Variants in GGA2 observed in about 807,000 individuals in gnomAD.
The protein encoded by GGA2 is ADP-ribosylation factor-binding protein GGA2.
In GGA2, 48 loss-of-function variants were observed where a neutral mutation model predicts 79.5. The observed-to-expected ratio is 0.60, with a 90% CI of 0.48 to 0.77. The LOEUF is 0.77. Ranked by LOEUF, GGA2 falls within the 30% of genes least tolerant of loss-of-function variation. The pLI, the probability that GGA2 is intolerant of heterozygous loss-of-function variation, is 0.00. For synonymous variants in GGA2, 317 were observed against 302.0 expected, an observed-to-expected ratio of 1.05 and a Z score of -0.51; for missense variants, 770 against 774.0, an observed-to-expected ratio of 0.99 and a Z score of 0.06.
intron 4 of GGA2, 50 bp downstream of exon 4, chr16:23,493,310 C>G (rs1257108141): frequency 1.8e-6 from 2 of 1,082,898 alleles, no homozygotes; most frequent in African/African-American, 1.5e-5. Flanking sequence ...AGGAGTTTGA[C>G]AGTGGGCGTA....
At chr16:23,479,054 T>C (rs1361207263) in intron 11 of GGA2, 143 bp from the exon 12 acceptor site, 4 of 674,468 alleles carry the variant, frequency 5.9e-6, no homozygotes, top group African/African-American at 1.7e-5. Context: ...GACTCGTCCA[T>C]GGCCAATCTG....
At chr16:23,490,141 C>T (rs1322359297) in intron 5 of GGA2, among the ~76,000 whole-genome samples, 1 of 152,138 alleles carries the variant, frequency 6.6e-6, no homozygotes, top group Non-Finnish European at 1.5e-5. Context: ...AAAGTGAAGA[C>T]CTACAGCTGA....
intron 5 of GGA2, among the ~76,000 whole-genome samples, chr16:23,489,653 A>G (rs1325545368): frequency 6.6e-6 from 1 of 152,230 alleles, no homozygotes; most frequent in South Asian, 2.1e-4. Context: ...TACCAATAGT[A>G]ACAACTAAGC....
At chr16:23,499,213 C>T (rs529177541) in intron 1 of GGA2, among the ~76,000 whole-genome samples, 24 of 149,798 alleles carry the variant, frequency 1.6e-4, no homozygotes, top group Non-Finnish European at 2.1e-4. Context: ...GGCACAATCT[C>T]GGCTCGCTGC....
At chr16:23,468,475 C>T (rs759238529) in intron 16 of GGA2, among the ~76,000 whole-genome samples, 3 of 143,328 alleles carry the variant, frequency 2.1e-5, no homozygotes, top group Non-Finnish European at 3.0e-5. Flanking sequence ...TGCACCTGGC[C>T]GACTTTATTT....
At position 23,479,852 on chromosome 16, in the gene GGA2, G is replaced by T. The variant is rs1224444298; in HGVS notation, c.1042C>A (p.Pro348Thr). The change falls in exon 11 of 17, where the codon CCC becomes ACC. Residue 348 changes from proline (P) to threonine (T), a missense_variant. Physicochemically the swap from Pro to Thr is conservative, Grantham distance 38 (BLOSUM62 -1). Coordinates refer to ENST00000309859, the MANE Select transcript of GGA2 (RefSeq NM_015044.4). Reference protein sequence around the residue: ...QNPAGCMKTCPLIDLEVDNGP... With the variant: ...QNPAGCMKTCTLIDLEVDNGP... ...TTGTCCACCTCCAAGTCAATCAGGG[G>T]GCAGGTCTTCATGCAGCCTGCTGGA... The T allele has an allele frequency of 6.2e-7, 1 of 1,613,912 alleles. No individual in the cohort carries two copies. The highest frequency in any genetic ancestry group is 8.5e-7 in the Non-Finnish European group (1 of 1,179,790).
chr16:23,464,948 A>T lies in GGA2; in HGVS notation c.*2642T>A. The T allele has an allele frequency of 4.7e-6, 1 of 215,000 alleles. No homozygotes were observed. The highest frequency in any genetic ancestry group is 9.4e-6 in the Non-Finnish European group (1 of 106,082). The allele number at this position is 215,000 out of a possible 1,614,324, so 13.3% of individuals were successfully genotyped here. On this transcript the variant is annotated 3_prime_UTR_variant, in exon 17 of 17. Transcript: ENST00000309859. ...CCTGAGGATTGGACTCTGGAAAACCATCACACTTAAGAGACAGAGGAAAAA... is the reference window on the plus strand; with the variant it reads ...CCTGAGGATTGGACTCTGGAAAACCTTCACACTTAAGAGACAGAGGAAAAA...
chr16:23,491,436 A>G (rs1451316473), intron 5 of GGA2, among the ~76,000 whole-genome samples: 3 of 151,006 alleles, frequency 2.0e-5, no homozygotes, highest in Non-Finnish European at 4.4e-5. Context: ...GTTTCCTATG[A>G]TTTCCAGGCA....
At chr16:23,513,098 G>A (rs59613114), upstream of GGA2, among the ~76,000 whole-genome samples, 12,474 of 152,154 alleles carry the variant, frequency 0.082, 906 homozygotes, top group African/African-American at 0.19. Flanking sequence ...AAACCTGGAC[G>A]TGACTAGAGT....
intron 13 of GGA2, among the ~76,000 whole-genome samples, chr16:23,477,981 T>A (rs2142118887): frequency 6.6e-6 from 1 of 151,276 alleles, no homozygotes; most frequent in East Asian, 2.0e-4. Flanking sequence ...TCACCTGAGG[T>A]CAGGAGTTTG....
intron 13 of GGA2, 146 bp from the exon 14 acceptor site, chr16:23,475,207 T>G (rs886658897): frequency 2.7e-5 from 13 of 478,770 alleles, no homozygotes; most frequent in African/African-American, 1.5e-4. Flanking sequence ...TTTTTTTTTT[T>G]GATACAGTAT....
intron 1 of GGA2, among the ~76,000 whole-genome samples, chr16:23,509,730 GA>G (rs1370925085): frequency 1.9e-4 from 25 of 133,920 alleles, no homozygotes; most frequent in Non-Finnish European, 2.7e-4. Flanking sequence ...TCTCTTAAAG[GA>G]AAAAAAAAAC....
At chr16:23,521,020 G>A (rs951044750) in intron 1 of GGA2, among the ~76,000 whole-genome samples, 5 of 151,968 alleles carry the variant, frequency 3.3e-5, no homozygotes, top group South Asian at 2.1e-4. Context: ...TTGAACTCCC[G>A]GCCTCAAGTG....
rs1265761853 is a variant in GGA2 at position 23,464,275 on chromosome 16, G to C, written c.*3315C>G. On this transcript the variant is annotated 3_prime_UTR_variant, in exon 17 of 17. Coordinates refer to ENST00000309859, the MANE Select transcript of GGA2 (RefSeq NM_015044.4). ...GTCTTAAGTTCATGGAAGATAATAG[G>C]AAGAGTAATTAACTGCAGCAAAAGG... 2.6e-5 allele frequency: 4 copies of C among 152,194 alleles called. No individual in the cohort carries two copies. The highest frequency in any genetic ancestry group is 9.7e-5 in the African/African-American group (4 of 41,442). The allele number at this position is 152,194 out of a possible 1,614,324, so 9.4% of individuals were successfully genotyped here. A position where few individuals can be genotyped will look rare whatever the true frequency, so the allele number is the denominator to read the frequency against.
Position 23,510,443 on chromosome 16 carries a change from C to CGGG in GGA2, c.-33_-32insCCC. Reference sequence around the variant, plus strand: ...AGCCCCGACGCTGCGGCCGCGGGCGCCACTGCCTCTTCAGCCGCTGTAGCG... The same window carrying CGGG: ...AGCCCCGACGCTGCGGCCGCGGGCGCGGGCACTGCCTCTTCAGCCGCTGTAGCG... On this transcript the variant is annotated 5_prime_UTR_variant, in exon 1 of 17. Transcript: ENST00000309859. 1 of 883,218 alleles carries CGGG rather than the reference C, an allele frequency of 1.1e-6. No individual in the cohort carries two copies. The highest frequency in any genetic ancestry group is 1.5e-6 in the Non-Finnish European group (1 of 653,104). The allele number at this position is 883,218 out of a possible 1,614,324, so 54.7% of individuals were successfully genotyped here.
upstream of GGA2, among the ~76,000 whole-genome samples, chr16:23,515,270 GC>G (rs760903107): frequency 1.1e-4 from 16 of 151,708 alleles, no homozygotes; most frequent in Non-Finnish European, 2.1e-4. Context: ...ATCAGCCTGG[GC>G]AACATAATGA....
At chr16:23,473,691 T>C (rs1415323084) in intron 14 of GGA2, among the ~76,000 whole-genome samples, 1 of 152,208 alleles carries the variant, frequency 6.6e-6, no homozygotes, top group African/African-American at 2.4e-5. Flanking sequence ...TTTTTTATTT[T>C]TTAAAGTTTG....
upstream of GGA2, among the ~76,000 whole-genome samples, chr16:23,511,291 T>A (rs1965057308): frequency 6.8e-6 from 1 of 146,692 alleles, no homozygotes; most frequent in Non-Finnish European, 1.5e-5. Context: ...TAGCTGGGAC[T>A]ACAGGTGCAT....
intron 1 of GGA2, chr16:23,500,919 T>G: frequency 3.8e-6 from 1 of 260,452 alleles, no homozygotes. Flanking sequence ...CTCACCTATA[T>G]TATATATACC....
Sources: allele counts gnomAD v4.1 joint callset (sites outside exome capture counted in the v4.1 genomes callset), GRCh38; gene constraint gnomAD v4.1.1; transcripts MANE v1.5; gene names NCBI Gene and HGNC (gene_info 2026-07-23, HGNC 2026-07-21).